SLX9: variants seen among roughly 807,000 people sequenced by gnomAD.
SLX9 encodes ribosome biogenesis protein SLX9 homolog.
SLX9 carries 19 observed loss-of-function variants against 20.8 expected under a neutral mutation model. The ratio of observed to expected loss-of-function variants is 0.91; its 90% CI spans 0.64 to 1.34. SLX9 has a LOEUF of 1.34. Among genes scored for constraint, SLX9 ranks in the 40% most tolerant of loss-of-function variants. SLX9 has a pLI of 0.00. For synonymous variants in SLX9, 113 were observed against 137.1 expected (o/e 0.82, Z 1.23); for missense variants, 299 against 322.2 (o/e 0.93, Z 0.55).
chr21:44,957,845 A>G (rs549173748), intron 2 of SLX9, among the ~76,000 whole-genome samples: 1 of 152,270 alleles, frequency 6.6e-6, no homozygotes, highest in South Asian at 2.1e-4. Context: ...CCGTCTCCTG[A>G]CACCTTTGAG....
chr21:44,949,565 A>G (rs28506874), intron 2 of SLX9, among the ~76,000 whole-genome samples: 1,831 of 152,264 alleles, frequency 0.012, 37 homozygotes, highest in African/African-American at 0.041. Context: ...CTGAAGCCAC[A>G]GAGGCCTACT....
intron 2 of SLX9, among the ~76,000 whole-genome samples, chr21:44,953,834 G>A (rs2084805914): frequency 6.6e-6 from 1 of 152,186 alleles, no homozygotes; most frequent in Non-Finnish European, 1.5e-5. Flanking sequence ...GGTGCTGCTG[G>A]TACTTTCCTC....
chr21:44,941,682 C>T (rs1419056402), intron 1 of SLX9, among the ~76,000 whole-genome samples: 1 of 152,194 alleles, frequency 6.6e-6, no homozygotes, highest in East Asian at 1.9e-4. Flanking sequence ...TTACAGAGTC[C>T]CTCTGCTCAC....
intron 5 of SLX9, among the ~76,000 whole-genome samples, chr21:44,975,655 C>G (rs2085248285): frequency 6.6e-6 from 1 of 152,250 alleles, no homozygotes; most frequent in African/African-American, 2.4e-5. Context: ...TTGTTGGGTC[C>G]TGGTAGCCCC....
intron 4 of SLX9, among the ~76,000 whole-genome samples, chr21:44,971,948 G>A (rs1451040428): frequency 1.3e-5 from 2 of 152,202 alleles, no homozygotes; most frequent in Non-Finnish European, 2.9e-5. Context: ...GCGAGGGGCT[G>A]TCATCTGCCA....
At chr21:44,951,023 G>T (rs936694239) in intron 2 of SLX9, among the ~76,000 whole-genome samples, 1 of 152,124 alleles carries the variant, frequency 6.6e-6, no homozygotes, top group Non-Finnish European at 1.5e-5. Flanking sequence ...CGTGTCGTGG[G>T]CACAGTGCAG....
At chr21:44,966,749 CGG>C (rs1264109897) in intron 3 of SLX9, among the ~76,000 whole-genome samples, 4 of 152,248 alleles carry the variant, frequency 2.6e-5, no homozygotes, top group Non-Finnish European at 4.4e-5. Flanking sequence ...ACGCGTGCTC[CGG>C]CCACAGTTGC....
intron 2 of SLX9, among the ~76,000 whole-genome samples, chr21:44,954,687 A>AC (rs528749446): frequency 2.5e-4 from 38 of 151,452 alleles, no homozygotes; most frequent in Non-Finnish European, 3.1e-4. Flanking sequence ...GGGTAGTGCC[A>AC]CCCCCCAGGC....
chr21:44,957,732 G>A (rs182895822), intron 2 of SLX9, among the ~76,000 whole-genome samples: 25 of 152,350 alleles, frequency 1.6e-4, no homozygotes, highest in Admixed American at 9.1e-4. Flanking sequence ...TCTTGGGGGG[G>A]TCCTGTCTCG....
chr21:44,946,451 G>T (rs2146613262), intron 2 of SLX9, among the ~76,000 whole-genome samples: 1 of 150,676 alleles, frequency 6.6e-6, no homozygotes, highest in East Asian at 1.9e-4. Context: ...TTTGAGCCGT[G>T]CGGCAGGGTC....
intron 1 of SLX9, 110 bp from the exon 2 acceptor site, chr21:44,943,574 G>A (rs2084587732): frequency 7.0e-7 from 1 of 1,435,048 alleles, no homozygotes; most frequent in Non-Finnish European, 9.5e-7. Context: ...AGAGAAGCTG[G>A]GGAATCCAGG....
At chr21:44,960,073 G>T (rs1375151352) in intron 2 of SLX9, 27 bp from the exon 3 acceptor site, 12 of 1,611,174 alleles carry the variant, frequency 7.4e-6, no homozygotes, top group Non-Finnish European at 1.0e-5. Context: ...GACACGTTTT[G>T]CTCACTCCCG....
intron 2 of SLX9, among the ~76,000 whole-genome samples, chr21:44,945,849 G>C (rs775017981): frequency 7.9e-5 from 12 of 152,194 alleles, no homozygotes; most frequent in African/African-American, 2.7e-4. Context: ...TAGCGGGGAC[G>C]GGACAACAGG....
chr21:44,940,166 C>T lies in SLX9; in HGVS notation c.109C>T (p.Pro37Ser). The change falls in exon 1 of 6, where the codon CCG becomes TCG. Residue 37 changes from proline to serine, a missense_variant. Transcript: ENST00000291634. ...APPAPEATPP[P>S]ASAAGKDWAF... ...CCCTGCCCCGGAGGCGACCCCTCCG[C>T]CGGCCTCGGCCGCGGGGAAGGTGAG... 1 of 1,272,000 alleles carries T rather than the reference C, an allele frequency of 7.9e-7. No homozygotes were observed. The highest frequency in any genetic ancestry group is 9.9e-7 in the Non-Finnish European group (1 of 1,005,342). The allele number at this position is 1,272,000 out of a possible 1,614,324, so 78.8% of individuals were successfully genotyped here. A position where few individuals can be genotyped will look rare whatever the true frequency, so the allele number is the denominator to read the frequency against.
At chr21:44,945,174 C>T (rs893077658) in intron 2 of SLX9, among the ~76,000 whole-genome samples, 4 of 152,220 alleles carry the variant, frequency 2.6e-5, no homozygotes, top group African/African-American at 9.6e-5. Flanking sequence ...CTAAGGGCCT[C>T]ACTGTGCCTC....
chr21:44,948,683 G>A (rs1467979957), intron 2 of SLX9, among the ~76,000 whole-genome samples: 5 of 152,180 alleles, frequency 3.3e-5, no homozygotes, highest in Admixed American at 6.5e-5. Context: ...GGGCGGTGGG[G>A]GCATGAGAGG....
chr21:44,954,645 G>A (rs142594601), intron 2 of SLX9, among the ~76,000 whole-genome samples: 108 of 152,270 alleles, frequency 7.1e-4, no homozygotes, highest in African/African-American at 2.5e-3. Flanking sequence ...GCACAGTAGC[G>A]TCACCTTGGT....
chr21:44,961,510 C>T (rs532047762), intron 3 of SLX9, among the ~76,000 whole-genome samples: 2 of 152,282 alleles, frequency 1.3e-5, no homozygotes, highest in African/African-American at 4.8e-5. Flanking sequence ...TCGCTTCAAC[C>T]CAGGAGTTTG....
chr21:44,949,433 G>A (rs1011047467), intron 2 of SLX9, among the ~76,000 whole-genome samples: 11 of 152,062 alleles, frequency 7.2e-5, no homozygotes, highest in Non-Finnish European at 1.3e-4. Flanking sequence ...CAGCACCCTC[G>A]GCCGGGTGGA....
Sources: gnomAD v4.1 joint callset for allele counts (sites outside exome capture counted in the v4.1 genomes callset) on GRCh38, gnomAD v4.1.1 for gene constraint, MANE v1.5 for transcripts, NCBI Gene and HGNC (gene_info 2026-07-23, HGNC 2026-07-21) for gene names.